RASGRF1: variants seen among roughly 807,000 people sequenced by gnomAD.
RASGRF1 encodes the protein Ras protein specific guanine nucleotide releasing factor 1, also known as ras-specific guanine nucleotide-releasing factor 1.
A neutral mutation model predicts 138.7 loss-of-function variants in RASGRF1; 40 were observed. The ratio of observed to expected loss-of-function variants is 0.29; its 90% confidence interval spans 0.22 to 0.38. RASGRF1 has a LOEUF of 0.38. Among genes scored for constraint, RASGRF1 ranks in the 10% least tolerant of loss-of-function variants. RASGRF1 has a pLI of 1.00. For synonymous variants in RASGRF1, 614 were observed against 663.2 expected, an observed-to-expected ratio of 0.93 and a Z score of 1.14; for missense variants, 1,108 against 1,650.4, an observed-to-expected ratio of 0.67 and a Z score of 5.69.
intron 2 of RASGRF1, among the ~76,000 whole-genome samples, chr15:79,058,685 C>T (rs1307606827): frequency 2.0e-5 from 3 of 152,104 alleles, no homozygotes; most frequent in South Asian, 2.1e-4. Context: ...CAAGGCGGGG[C>T]GGTGGGCCCG....
chr15:79,015,205 C>G, intron 13 of RASGRF1, 122 bp downstream of exon 13: 1 of 916,538 alleles, frequency 1.1e-6, no homozygotes, highest in Non-Finnish European at 1.7e-6. Flanking sequence ...AAAACACCCC[C>G]AAAGACAAAG....
At chr15:79,061,196 C>A (rs1008114523) in intron 2 of RASGRF1, among the ~76,000 whole-genome samples, 1 of 151,942 alleles carries the variant, frequency 6.6e-6, no homozygotes, top group Non-Finnish European at 1.5e-5. Context: ...ACAACAAGAA[C>A]GAGCCTGGAA....
rs2057415592 is a variant in RASGRF1 at position 79,050,430 on chromosome 15, C to G, written c.532-842G>C. 6.6e-6 allele frequency among the ~76,000 whole-genome samples: 1 copy of G among 152,164 alleles called. No homozygotes were observed. The highest frequency in any genetic ancestry group is 2.4e-5 in the African/African-American group (1 of 41,434). On this transcript the variant is annotated intron_variant, in intron 3 of 26. Coordinates refer to ENST00000558480, the MANE Select transcript of RASGRF1 (RefSeq NM_001145648.3). The surrounding 1 kb of genome is among the most constrained non-coding windows in gnomAD (Gnocchi z 4.1). ...GCATCTAGGTAATCCCTTTATTTTTCAAACAAAATTGTATCTGGATATAAA... is the reference window on the plus strand; with the variant it reads ...GCATCTAGGTAATCCCTTTATTTTTGAAACAAAATTGTATCTGGATATAAA...
At chr15:79,037,181 A>G (rs1314345052) in intron 5 of RASGRF1, among the ~76,000 whole-genome samples, 2 of 152,146 alleles carry the variant, frequency 1.3e-5, no homozygotes, top group African/African-American at 4.8e-5. Context: ...AATGTCCAGT[A>G]GCAAGAGACC....
intron 22 of RASGRF1, among the ~76,000 whole-genome samples, chr15:78,988,117 G>A (rs2056199038): frequency 6.6e-6 from 1 of 152,232 alleles, no homozygotes; most frequent in African/African-American, 2.4e-5. Context: ...AGCTTCTGAA[G>A]TAGACCGTGT....
chr15:79,012,887 T>G (rs1158096180), intron 13 of RASGRF1, among the ~76,000 whole-genome samples: 1 of 152,228 alleles, frequency 6.6e-6, no homozygotes, highest in African/African-American at 2.4e-5. Context: ...TTCACCATGT[T>G]GGTCAGGCTG....
In RASGRF1 at chr15:79,073,051, CT is replaced by C. The variant is rs1268109355; in HGVS notation, c.277-8526del. 6.6e-6 allele frequency among the ~76,000 whole-genome samples: 1 copy of C among 152,144 alleles called. No individual in the cohort carries two copies. The highest frequency in any genetic ancestry group is 6.5e-5 in the Admixed American group (1 of 15,284). On this transcript the variant is annotated intron_variant, in intron 1 of 26. Coordinates refer to ENST00000558480, the MANE Select transcript of RASGRF1 (RefSeq NM_001145648.3). The surrounding 1 kb of genome is among the most constrained non-coding windows in gnomAD (Gnocchi z 4.2). ...TTCTGGAGTCAGTCCCAGGGACATC[CT>C]AGAACTCTCCAATGCAACAGAGAGC...
rs763057190 is a variant in RASGRF1, at chr15:79,058,263, C to T, written c.531+71G>A. 1.8e-5 allele frequency: 28 copies of T among 1,554,240 alleles called. No homozygotes were observed. In the Middle Eastern group the frequency reaches 8.7e-4, roughly 48 times the overall value. On this transcript the variant is annotated intron_variant, in intron 3 of 26. Coordinates refer to ENST00000558480, the MANE Select transcript of RASGRF1 (RefSeq NM_001145648.3). Reference sequence around the variant, plus strand: ...TTTCCCTGCCTGTCATGTGGCTCCCCAATCCTGCAGGAGCCCAGGGTTTGA... The same window carrying T: ...TTTCCCTGCCTGTCATGTGGCTCCCTAATCCTGCAGGAGCCCAGGGTTTGA...
At chr15:79,085,116 A>T (rs551103138) in intron 1 of RASGRF1, among the ~76,000 whole-genome samples, 6 of 152,180 alleles carry the variant, frequency 3.9e-5, no homozygotes, top group Non-Finnish European at 8.8e-5. Context: ...ACATGAGGTA[A>T]TCACAGACTG....
chr15:79,023,698 T>A (rs557457782), intron 10 of RASGRF1, among the ~76,000 whole-genome samples: 3 of 152,220 alleles, frequency 2.0e-5, no homozygotes, highest in African/African-American at 7.2e-5. Context: ...TAGCTGAGCA[T>A]CAGGGTCTCA....
chr15:78,974,195 A>G (rs2055827752), intron 24 of RASGRF1, among the ~76,000 whole-genome samples: 1 of 151,928 alleles, frequency 6.6e-6, no homozygotes, highest in Admixed American at 6.5e-5. Context: ...GGGTTGATGG[A>G]GCCTGTGATG....
chr15:78,990,404 G>A lies in RASGRF1; in HGVS notation c.3132-131C>T, dbSNP rs2056244957. On this transcript the variant is annotated intron_variant, in intron 21 of 26. Transcript: ENST00000558480. ...TTCTGGGGGAACAACCTTCTGCAGA[G>A]CCCTGGAAGGAAGGAACCTTGGGCT... is the stretch of plus-strand genomic sequence containing the variant. 9.3e-6 allele frequency: 6 copies of A among 644,542 alleles called. No individual in the cohort carries two copies. The South Asian group carries it at 9.6e-5, about 10-fold the overall frequency. 39.9% of individuals were successfully genotyped at this position (644,542 alleles called of 1,614,324 possible). A position where few individuals can be genotyped will look rare whatever the true frequency, so the allele number is the denominator to read the frequency against.
Position 78,998,706 on chromosome 15 carries a change from G to T in RASGRF1, c.2853+13C>A, listed in dbSNP as rs778327594. On this transcript the variant is annotated intron_variant, in intron 18 of 26. Coordinates refer to ENST00000558480, the MANE Select transcript of RASGRF1 (RefSeq NM_001145648.3). ...GGTCCCCAGCAGCCTGCCCAGGGAGGGCTCCCACCCACCTGAGAGTGCTTG... is the reference window on the plus strand; with the variant it reads ...GGTCCCCAGCAGCCTGCCCAGGGAGTGCTCCCACCCACCTGAGAGTGCTTG... 2 of 1,605,386 alleles carry T rather than the reference G, an allele frequency of 1.2e-6. No individual in the cohort carries two copies. The highest frequency in any genetic ancestry group is 1.1e-5 in the South Asian group (1 of 90,900).
intron 5 of RASGRF1, among the ~76,000 whole-genome samples, chr15:79,042,029 T>A (rs1467321488): frequency 6.6e-6 from 1 of 152,226 alleles, no homozygotes; most frequent in Admixed American, 6.5e-5. Flanking sequence ...CACATGGTGC[T>A]GGGCATGGTT....
At chr15:78,984,924 GC>G in intron 23 of RASGRF1, 82 bp downstream of exon 23, 1 of 1,438,690 alleles carries the variant, frequency 7.0e-7, no homozygotes, top group Non-Finnish European at 9.7e-7. Context: ...ACTTGTGGAT[GC>G]CCAGTGGCCA....
chr15:79,069,292 C>G (rs2057723497), intron 1 of RASGRF1, among the ~76,000 whole-genome samples: 1 of 152,240 alleles, frequency 6.6e-6, no homozygotes, highest in Admixed American at 6.5e-5. Context: ...ATGGTCCTCA[C>G]TCCTCTTGCA....
At chr15:79,067,709 C>A (rs1470436261) in intron 1 of RASGRF1, among the ~76,000 whole-genome samples, 1 of 152,120 alleles carries the variant, frequency 6.6e-6, no homozygotes, top group Non-Finnish European at 1.5e-5. Flanking sequence ...CAGCACAAAT[C>A]TGGACTTTGG....
At chr15:79,041,051 C>T (rs1358739550) in intron 5 of RASGRF1, among the ~76,000 whole-genome samples, 2 of 152,260 alleles carry the variant, frequency 1.3e-5, no homozygotes, top group African/African-American at 4.8e-5. Context: ...AGGCACCATT[C>T]ACAGTCTAGT....
chr15:79,054,825 A>G (rs903584213), intron 3 of RASGRF1, among the ~76,000 whole-genome samples: 3 of 152,204 alleles, frequency 2.0e-5, no homozygotes, highest in Admixed American at 6.5e-5. Context: ...AGCAGTGAAG[A>G]CTGAGTGGAG....
Sources: allele counts gnomAD v4.1 joint callset (sites outside exome capture counted in the v4.1 genomes callset), GRCh38; gene constraint gnomAD v4.1.1; non-coding constraint Gnocchi (gnomAD v3.1); transcripts MANE v1.5; gene names NCBI Gene and HGNC (gene_info 2026-07-23, HGNC 2026-07-21).